Variants in ATG9B observed in about 807,000 individuals in gnomAD.
ATG9B encodes the protein autophagy related 9B.
Under a neutral mutation model 92.9 loss-of-function variants are expected in ATG9B, and 92 were observed. The ratio of observed to expected loss-of-function variants is 0.99; its 90% CI spans 0.84 to 1.18. The LOEUF (loss-of-function observed/expected upper bound fraction) is 1.18, where lower values mean the gene tolerates loss of function less well. Among genes scored for constraint, ATG9B ranks in the 50% most tolerant of loss-of-function variants. ATG9B has a pLI of 0.00. For synonymous variants in ATG9B, 599 were observed against 551.4 expected (o/e 1.09, Z -1.21); for missense variants, 1,344 against 1,235.0 (o/e 1.09, Z -1.32).
chr7:151,016,548 G>C (rs3800787), intron 10 of ATG9B, 21 bp from the exon 11 acceptor site: 581,301 of 1,547,394 alleles, frequency 0.38, 113,472 homozygotes, highest in Admixed American at 0.54. Flanking sequence ...ACATGAAGCA[G>C]GTCAAAAGTC....
Position 151,024,157 on chromosome 7 carries a change from A to G in ATG9B, c.267T>C (p.Ser89=), listed in dbSNP as rs2117180661. 1.9e-6 allele frequency: 3 copies of G among 1,567,224 alleles called. No individual in the cohort carries two copies. Among genetic ancestry groups the G allele is most frequent in the Non-Finnish European group, 1.7e-6 (2 of 1,155,390 alleles). The change falls in exon 1 of 14, where the codon AGT becomes AGC. Residue 89 remains serine, a synonymous_variant. Coordinates refer to ENST00000639579, the MANE Select transcript of ATG9B (RefSeq NM_001317056.2). ...GGGGGGTGGCTGGGATAGGGAGAGC[A>G]CTGTGGCAAGACTGAGAAGCCCCTG... is the stretch of plus-strand genomic sequence containing the variant. ...QGTGASQSCH[S]ALPIPATPPT...
At position 151,018,250 on chromosome 7, in the gene ATG9B, AC is replaced by A. The variant is rs1396206816; in HGVS notation, c.1872+43del. ...GCAGACAGACCCTCCGCGCAGACAG[AC>A]CCCACAACTTCCTCCTCAGCCCGCC... On this transcript the variant is annotated intron_variant, in intron 7 of 13. Coordinates refer to ENST00000639579, the MANE Select transcript of ATG9B (RefSeq NM_001317056.2). This position sits in a 1 kb window ranked among gnomAD's most constrained non-coding sequence, Gnocchi z 4.7. 3.3e-6 allele frequency: 5 copies of A among 1,510,272 alleles called. No individual in the cohort carries two copies. Among genetic ancestry groups the A allele is most frequent in the Non-Finnish European group, 4.4e-6 (5 of 1,138,572 alleles). The allele number at this position is 1,510,272 out of a possible 1,614,324, so 93.6% of individuals were successfully genotyped here. A position where few individuals can be genotyped will look rare whatever the true frequency, so the allele number is the denominator to read the frequency against.
Position 151,018,742 on chromosome 7 carries a change from A to T in ATG9B, c.1596T>A (p.Val532=), listed in dbSNP as rs1795621606. ...CGGCGAAGAGTGCACCCGCGAAGAA[A>T]ACGAGCTGGCGGGCCAGCAGCGTGC... ...PLRTLLARQL[V]FFAGALFAAL... is the part of the protein sequence containing the mutation. Residue 532 remains valine (V), a synonymous_variant, in exon 6 of 14, where the codon GTT becomes GTA. Coordinates refer to ENST00000639579, the MANE Select transcript of ATG9B (RefSeq NM_001317056.2). This position sits in a 1 kb window ranked among gnomAD's most constrained non-coding sequence, Gnocchi z 4.7. The T allele has an allele frequency of 2.5e-6, 4 of 1,572,522 alleles. No homozygotes were observed. Among genetic ancestry groups the T allele is most frequent in the Non-Finnish European group, 3.4e-6 (4 of 1,164,446 alleles).
At position 151,018,786 on chromosome 7, in the gene ATG9B, C is replaced by T; in HGVS notation, c.1552G>A (p.Ala518Thr). Residue 518 changes from alanine to threonine, a missense_variant, in exon 6 of 14, where the codon GCG becomes ACG. By Grantham distance (58) the Ala-to-Thr change is moderately conservative. Transcript: ENST00000639579. This position sits in a 1 kb window ranked among gnomAD's most constrained non-coding sequence, Gnocchi z 4.7. ...RPAAAFLRTA[A>T]PPAPLRTLLA... is the part of the protein sequence containing the mutation. ...AGCGTGCGCAGGGGCGCGGGGGGCG[C>T]AGCGGTGCGCAGGAAGGCGGCGGCG... is the stretch of plus-strand genomic sequence containing the variant. The T allele has an allele frequency of 7.3e-7, 1 of 1,377,396 alleles. No homozygotes were observed. Among genetic ancestry groups the T allele is most frequent in the Non-Finnish European group, 9.4e-7 (1 of 1,068,798 alleles). The allele number at this position is 1,377,396 out of a possible 1,614,324, so 85.3% of individuals were successfully genotyped here.
chr7:151,016,651 C>A (rs1290916941), intron 10 of ATG9B, 37 bp downstream of exon 10: 28 of 1,537,240 alleles, frequency 1.8e-5, no homozygotes, highest in Non-Finnish European at 2.4e-5. Flanking sequence ...GCCCACCCCC[C>A]TCCACATGCC....
chr7:151,024,203 G>C lies in ATG9B; in HGVS notation c.221C>G (p.Pro74Arg). The C allele has an allele frequency of 1.3e-6, 2 of 1,505,466 alleles. No homozygotes were observed. The highest frequency in any genetic ancestry group is 1.4e-5 in the South Asian group (1 of 73,112). 93.3% of individuals were successfully genotyped at this position (1,505,466 alleles called of 1,614,324 possible). The change falls in exon 1 of 14, where the codon CCT becomes CGT. Residue 74 changes from proline to arginine, a missense_variant. Pro to Arg is a moderately radical substitution (Grantham distance 103). Coordinates refer to ENST00000639579, the MANE Select transcript of ATG9B (RefSeq NM_001317056.2). ...CCCTGTCCCCTGTAGCACTGAGCAA[G>C]GGGGCCCTGCGGTGGGAGGGGAAAA... is the stretch of plus-strand genomic sequence containing the variant. Reference protein sequence around the residue: ...SSFSPPTAGPPCSVLQGTGAS... With the variant: ...SSFSPPTAGPRCSVLQGTGAS...
Position 151,018,945 on chromosome 7 carries a change from G to C in ATG9B, c.1393C>G (p.His465Asp). ...AWQVLHVFYS[H>D]VELLRREPGA... ...GGCTCGCGCCGCAGCAGCTCCACGT[G>C]GCTATAGAAGACGTGCAGAACCTGC... Residue 465 changes from histidine to aspartate, a missense_variant, in exon 6 of 14, where the codon CAC becomes GAC. Physicochemically the swap from His to Asp is moderately conservative, Grantham distance 81. Transcript: ENST00000639579. This position sits in a 1 kb window ranked among gnomAD's most constrained non-coding sequence, Gnocchi z 4.7. The C allele has an allele frequency of 6.4e-7, 1 of 1,566,326 alleles. No individual in the cohort carries two copies. Among genetic ancestry groups the C allele is most frequent in the African/African-American group, 1.4e-5 (1 of 71,620 alleles).
intron 4 of ATG9B, among the ~76,000 whole-genome samples, chr7:151,021,824 A>G (rs112235877): frequency 0.012 from 1,745 of 143,236 alleles, 32 homozygotes; most frequent in African/African-American, 0.042. Context: ...TAATTTTTGT[A>G]TATTTTAGTA....
chr7:151,014,410 C>T (rs1290980021), downstream of ATG9B: 3 of 493,688 alleles, frequency 6.1e-6, no homozygotes, highest in African/African-American at 5.9e-5. Flanking sequence ...CAGCGGTACC[C>T]CAGGGCCTAC....
chr7:151,016,641 G>GGC, intron 10 of ATG9B, 47 bp downstream of exon 10: 1 of 1,546,078 alleles, frequency 6.5e-7, no homozygotes, highest in Non-Finnish European at 8.7e-7. Flanking sequence ...TACAGGATCA[G>GGC]CCCACCCCCC....
chr7:151,019,363 G>T lies in ATG9B; in HGVS notation c.975C>A (p.Ser325Arg), dbSNP rs1424524654. ...EALHIPPEEL[S>R]SVPWAEVQSR... is the part of the protein sequence containing the mutation. ...ACTGCACCTCTGCCCAGGGAACCGA[G>T]CTCAGCTCCTCCTGAAAGGGGCACT... The change falls in exon 6 of 14, where the codon AGC becomes AGA. Residue 325 changes from serine (S) to arginine (R), a missense_variant. Physicochemically the swap from Ser to Arg is moderately radical, Grantham distance 110 (BLOSUM62 -1). Transcript: ENST00000639579. The T allele has an allele frequency of 3.3e-6, 5 of 1,520,912 alleles. No homozygotes were observed. In the East Asian group the frequency reaches 1.1e-4, roughly 35 times the overall value. 94.2% of individuals were successfully genotyped at this position (1,520,912 alleles called of 1,614,324 possible).
chr7:151,013,906 C>T (rs746985517), downstream of ATG9B: 1 of 1,599,108 alleles, frequency 6.3e-7, no homozygotes, highest in East Asian at 2.3e-5. Context: ...GCGACGTCAT[C>T]GGCGTGCTGC....
chr7:151,019,188 G>A lies in ATG9B; in HGVS notation c.1150C>T (p.Pro384Ser), dbSNP rs1335503372. 5 of 1,536,884 alleles carry A rather than the reference G, an allele frequency of 3.3e-6. No individual in the cohort carries two copies. In the South Asian group the frequency reaches 5.9e-5, roughly 18 times the overall value. Residue 384 changes from proline (P) to serine (S), a missense_variant, in exon 6 of 14, where the codon CCC becomes TCC. By Grantham distance (74) the Pro-to-Ser change is moderately conservative. Coordinates refer to ENST00000639579, the MANE Select transcript of ATG9B (RefSeq NM_001317056.2). ...AGGAAAGCCGCACTGCCTCCCCAGG[G>A]CAGCGGGCAGCGGGCCGGCAGCAGG... Reference protein sequence around the residue: ...KGLLPARCPLPWGGSAAFLSR... With the variant: ...KGLLPARCPLSWGGSAAFLSR...
intron 5 of ATG9B, 133 bp downstream of exon 5, chr7:151,021,055 A>G: frequency 9.8e-7 from 1 of 1,024,774 alleles, no homozygotes; most frequent in South Asian, 1.5e-5. Flanking sequence ...GGCCTAGGGC[A>G]GGTGTCAATA....
In ATG9B at chr7:151,017,968, A is replaced by ATC. The variant is rs765687024; in HGVS notation, c.1953_1954dup (p.Ile652ArgfsTer27). The ATC allele has an allele frequency of 3.5e-5, 56 of 1,607,890 alleles. No homozygotes were observed. In the South Asian group the frequency reaches 6.1e-4, roughly 18 times the overall value. On this transcript the variant is annotated frameshift_variant, in exon 8 of 14. Coordinates refer to ENST00000639579, the MANE Select transcript of ATG9B (RefSeq NM_001317056.2). LOFTEE classifies it high-confidence loss of function. The stretch of plus-strand genomic sequence containing the variant: ...AGTGAAGTGATGAAAAAAGTCGATA[A>ATC]TCTCCAGGGCACGAGGGCGGAACCA...
chr7:151,013,524 G>A, downstream of ATG9B: 6 of 1,207,464 alleles, frequency 5.0e-6, 1 homozygote, highest in South Asian at 4.7e-5. Flanking sequence ...GCCCACCCTT[G>A]TGCCCCGGCC....
chr7:151,013,350 G>A (rs1317783291), downstream of ATG9B: 1 of 1,613,488 alleles, frequency 6.2e-7, no homozygotes, highest in Non-Finnish European at 8.5e-7. Flanking sequence ...AGTCCTCACC[G>A]CCTTCTCCCG....
At chr7:151,016,574 C>T (rs1323298607) in intron 10 of ATG9B, 47 bp from the exon 11 acceptor site, 1 of 1,545,004 alleles carries the variant, frequency 6.5e-7, no homozygotes, top group Non-Finnish European at 8.7e-7. Flanking sequence ...CTCCTCCCGC[C>T]ACACCCCAGA....
downstream of ATG9B, chr7:151,014,821 CT>C (rs1795416151): frequency 6.6e-6 from 1 of 152,054 alleles, no homozygotes; most frequent in South Asian, 2.1e-4. Flanking sequence ...CTTGGCCAGG[CT>C]GGTCTTGAAC....
Sources: gnomAD v4.1 joint callset for allele counts (sites outside exome capture counted in the v4.1 genomes callset) on GRCh38, gnomAD v4.1.1 for gene constraint, Gnocchi (gnomAD v3.1) non-coding constraint, MANE v1.5 for transcripts, NCBI Gene and HGNC (gene_info 2026-07-23, HGNC 2026-07-21) for gene names.